Variants in ARHGAP31 observed in about 807,000 individuals in gnomAD.
ARHGAP31 encodes the protein Rho GTPase activating protein 31.
ARHGAP31 carries 34 observed loss-of-function variants against 113.9 expected under a neutral mutation model. The observed-to-expected ratio is 0.30, with a 90% CI of 0.23 to 0.40. ARHGAP31 has a LOEUF of 0.40. Ranked by LOEUF, ARHGAP31 falls within the 10% of genes least tolerant of loss-of-function variation. The pLI is 1.00. For synonymous variants in ARHGAP31, 650 were observed against 684.8 expected (o/e 0.95, Z 0.79); for missense variants, 1,548 against 1,767.1 (o/e 0.88, Z 2.22).
At chr3:119,296,690 C>G (rs915144065) in intron 1 of ARHGAP31, among the ~76,000 whole-genome samples, 2 of 152,098 alleles carry the variant, frequency 1.3e-5, no homozygotes, top group South Asian at 4.1e-4. Context: ...TCAAAGGCAG[C>G]TTTAGGCAGC....
intron 3 of ARHGAP31, among the ~76,000 whole-genome samples, chr3:119,373,051 G>A (rs2080315397): frequency 6.6e-6 from 1 of 152,166 alleles, no homozygotes; most frequent in South Asian, 2.1e-4. Flanking sequence ...GCAGATTTCA[G>A]GGTGGAGAAG....
At chr3:119,368,756 A>C (rs1277996540) in intron 3 of ARHGAP31, among the ~76,000 whole-genome samples, 1 of 152,206 alleles carries the variant, frequency 6.6e-6, no homozygotes, top group Non-Finnish European at 1.5e-5. Context: ...AATTATCTCC[A>C]TGTTTATTCA....
At chr3:119,368,591 TAAC>T in intron 3 of ARHGAP31, 75 bp downstream of exon 3, 1 of 1,529,628 alleles carries the variant, frequency 6.5e-7, no homozygotes, top group East Asian at 2.3e-5. Context: ...AGCACTAAAA[TAAC>T]AATAATAACA....
rs143706544 is a variant in ARHGAP31, at chr3:119,346,391, G to A, written c.101-18925G>A. ...GAGAGACAGCCTCTGGCAGCTGGCT[G>A]TCCCCTCTCTCCAGAAAGATATCAT... is the stretch of plus-strand genomic sequence containing the variant. On this transcript the variant is annotated intron_variant, in intron 1 of 11. Transcript: ENST00000264245. 3.2e-3 allele frequency among the ~76,000 whole-genome samples: 493 copies of A among 152,322 alleles called. 3 individuals carry two copies. The highest frequency in any genetic ancestry group is 0.01 in the African/African-American group (428 of 41,564).
At chr3:119,398,943 C>T (rs1361249887) in intron 8 of ARHGAP31, among the ~76,000 whole-genome samples, 1 of 152,132 alleles carries the variant, frequency 6.6e-6, no homozygotes, top group Non-Finnish European at 1.5e-5. Flanking sequence ...AGCTATTTGA[C>T]AAAATTGCAA....
At chr3:119,310,671 T>C (rs1245419992) in intron 1 of ARHGAP31, among the ~76,000 whole-genome samples, 1 of 152,134 alleles carries the variant, frequency 6.6e-6, no homozygotes, top group Non-Finnish European at 1.5e-5. Flanking sequence ...CCAAAACCAT[T>C]CCCCACCACC....
At chr3:119,345,657 C>T (rs1224222692) in intron 1 of ARHGAP31, among the ~76,000 whole-genome samples, 6 of 152,106 alleles carry the variant, frequency 3.9e-5, no homozygotes, top group Admixed American at 3.9e-4. Flanking sequence ...TGCCAAAAAG[C>T]ACTTGATGAG....
rs946083825 is a variant in ARHGAP31, at chr3:119,364,529, G to T, written c.101-787G>T. ...ATGTCCTCATGTTTAGAATAAAGCA[G>T]TGGCTCTCTAATTTTTGCATGCATC... On this transcript the variant is annotated intron_variant, in intron 1 of 11. Transcript: ENST00000264245. Among the ~76,000 whole-genome samples the T allele has an allele frequency of 3.3e-5, 5 of 152,288 alleles. No homozygotes were observed. The East Asian group carries it at 9.6e-4, about 29-fold the overall frequency.
In ARHGAP31 at chr3:119,414,351, G is replaced by A. The variant is rs758093901; in HGVS notation, c.2422G>A (p.Asp808Asn). ...LLSKGGPEREDSSRKLRTDLY... is the reference protein window; with the variant it reads ...LLSKGGPERENSSRKLRTDLY... ...TTCAAAGGGCGGCCCGGAAAGAGAA[G>A]ACTCATCCAGGAAATTGAGGACAGA... Residue 808 changes from aspartate (D) to asparagine (N), a missense_variant, in exon 12 of 12, where the codon GAC becomes AAC. Physicochemically the swap from Asp to Asn is conservative, Grantham distance 23 (BLOSUM62 1). Coordinates refer to ENST00000264245, the MANE Select transcript of ARHGAP31 (RefSeq NM_020754.4). 6.2e-7 allele frequency: 1 copy of A among 1,614,200 alleles called. No homozygotes were observed. The highest frequency in any genetic ancestry group is 1.1e-5 in the South Asian group (1 of 91,082).
At chr3:119,368,325 A>G (rs2080266981) in intron 2 of ARHGAP31, 47 bp from the exon 3 acceptor site, 1 of 1,612,574 alleles carries the variant, frequency 6.2e-7, no homozygotes, top group South Asian at 1.1e-5. Context: ...GCTGACATGG[A>G]ACACACACTC....
chr3:119,332,635 T>TCTCACA lies in ARHGAP31; in HGVS notation c.101-32680_101-32679insTCACAC, dbSNP rs1403595583. On this transcript the variant is annotated intron_variant, in intron 1 of 11. Transcript: ENST00000264245. Reference sequence around the variant, plus strand: ...CTCTCTCTCTCTCTCTCTCTCTCTCTCACACACACACACACACACACACAC... The same window carrying TCTCACA: ...CTCTCTCTCTCTCTCTCTCTCTCTCTCTCACACACACACACACACACACACACACAC... 9.6e-3 allele frequency among the ~76,000 whole-genome samples: 827 copies of TCTCACA among 85,718 alleles called. 5 individuals are homozygous for TCTCACA. The highest frequency in any genetic ancestry group is 0.013 in the Non-Finnish European group (618 of 46,922). 56.2% of individuals were successfully genotyped at this position (85,718 alleles called of 152,430 possible).
intron 1 of ARHGAP31, among the ~76,000 whole-genome samples, chr3:119,297,684 G>A (rs2079544942): frequency 6.6e-6 from 1 of 152,194 alleles, no homozygotes; most frequent in African/African-American, 2.4e-5. Context: ...GACGCCACAT[G>A]CTTGAGTGGG....
In ARHGAP31 at chr3:119,415,017, C is replaced by A. The variant is rs368948086; in HGVS notation, c.3088C>A (p.Pro1030Thr). The change falls in exon 12 of 12, where the codon CCC becomes ACC. Residue 1030 changes from proline (P) to threonine (T), a missense_variant. Pro to Thr is a conservative substitution (Grantham distance 38). Coordinates refer to ENST00000264245, the MANE Select transcript of ARHGAP31 (RefSeq NM_020754.4). ...PNQKGPSGVQ[P>T]NPAETSPISL... is the part of the protein sequence containing the mutation. Reference sequence around the variant, plus strand: ...CCAGAAGGGACCAAGTGGTGTGCAACCCAACCCAGCAGAAACCAGCCCCAT... The same window carrying A: ...CCAGAAGGGACCAAGTGGTGTGCAAACCAACCCAGCAGAAACCAGCCCCAT... 6.2e-6 allele frequency: 10 copies of A among 1,614,018 alleles called. No individual in the cohort carries two copies. The highest frequency in any genetic ancestry group is 8.5e-6 in the Non-Finnish European group (10 of 1,180,016).
At chr3:119,335,354 CT>C (rs1006820873) in intron 1 of ARHGAP31, among the ~76,000 whole-genome samples, 9 of 152,220 alleles carry the variant, frequency 5.9e-5, no homozygotes, top group Admixed American at 5.9e-4. Context: ...TACATAAAGT[CT>C]TTTTAAAAAT....
At chr3:119,374,535 C>T (rs2080330772) in intron 3 of ARHGAP31, among the ~76,000 whole-genome samples, 2 of 152,122 alleles carry the variant, frequency 1.3e-5, no homozygotes, top group African/African-American at 4.8e-5. Context: ...TTGTAATCTC[C>T]ACATGTTGAG....
intron 1 of ARHGAP31, among the ~76,000 whole-genome samples, chr3:119,334,538 G>T (rs918052945): frequency 6.6e-6 from 1 of 152,194 alleles, no homozygotes; most frequent in Admixed American, 6.5e-5. Flanking sequence ...CCATCTTCAG[G>T]TAGGGTGACC....
chr3:119,302,806 C>T (rs2079596214), intron 1 of ARHGAP31, among the ~76,000 whole-genome samples: 1 of 152,164 alleles, frequency 6.6e-6, no homozygotes, highest in East Asian at 1.9e-4. Context: ...ACAGTTTTGC[C>T]ACAACCTATG....
chr3:119,324,197 C>G (rs1480847263), intron 1 of ARHGAP31, among the ~76,000 whole-genome samples: 2 of 152,192 alleles, frequency 1.3e-5, no homozygotes, highest in African/African-American at 4.8e-5. Flanking sequence ...CTAGCCCCTA[C>G]CCCATCTTCA....
At chr3:119,405,237 C>T (rs1177409985) in intron 10 of ARHGAP31, among the ~76,000 whole-genome samples, 1 of 152,026 alleles carries the variant, frequency 6.6e-6, no homozygotes, top group East Asian at 1.9e-4. Context: ...TTAGTTGATT[C>T]TATTAGTTAA....
Sources: allele counts gnomAD v4.1 joint callset (sites outside exome capture counted in the v4.1 genomes callset), GRCh38; gene constraint gnomAD v4.1.1; transcripts MANE v1.5; gene names NCBI Gene and HGNC (gene_info 2026-07-23, HGNC 2026-07-21).